SAMD12: variants seen among roughly 807,000 people sequenced by gnomAD.
The protein encoded by SAMD12 is sterile alpha motif domain-containing protein 12.
A neutral mutation model predicts 15.0 loss-of-function variants in SAMD12; 9 were observed. The observed-to-expected ratio is 0.60, with a 90% CI of 0.36 to 1.05. SAMD12 has a LOEUF of 1.05. Among genes scored for constraint, SAMD12 ranks in the 50% least tolerant of loss-of-function variants. The pLI is 0.01. For synonymous variants in SAMD12, 86 were observed against 90.1 expected (o/e 0.96, Z 0.25); for missense variants, 230 against 234.2 (o/e 0.98, Z 0.12).
At chr8:118,580,222 T>A (rs1024043019) in intron 2 of SAMD12, among the ~76,000 whole-genome samples, 1 of 152,168 alleles carries the variant, frequency 6.6e-6, no homozygotes, top group African/African-American at 2.4e-5. Flanking sequence ...TAATAAAATA[T>A]CAGCTATTAC....
downstream of SAMD12, among the ~76,000 whole-genome samples, chr8:118,374,056 C>T (rs1318059969): frequency 2.6e-5 from 4 of 151,946 alleles, no homozygotes; most frequent in Non-Finnish European, 5.9e-5. Context: ...GCGCACAGTT[C>T]AGTCATATTA....
chr8:118,545,934 G>A (rs1375463998), intron 2 of SAMD12, among the ~76,000 whole-genome samples: 4 of 152,190 alleles, frequency 2.6e-5, no homozygotes, highest in Non-Finnish European at 4.4e-5. Flanking sequence ...CAAAGCCAGA[G>A]CCCAGGTACT....
chr8:118,279,666 T>C (rs1308477025), intron 4 of SAMD12, among the ~76,000 whole-genome samples: 1 of 152,222 alleles, frequency 6.6e-6, no homozygotes, highest in Non-Finnish European at 1.5e-5. Flanking sequence ...TGTTTTGACA[T>C]TGTGGTGTGC....
At chr8:118,323,301 T>G (rs938453121) in intron 4 of SAMD12, among the ~76,000 whole-genome samples, 3 of 152,142 alleles carry the variant, frequency 2.0e-5, no homozygotes, top group Non-Finnish European at 4.4e-5. Context: ...GAGAGATAGA[T>G]CTAATGTATG....
At chr8:118,392,478 T>C (rs1820337432) in intron 3 of SAMD12, among the ~76,000 whole-genome samples, 1 of 152,110 alleles carries the variant, frequency 6.6e-6, no homozygotes, top group Non-Finnish European at 1.5e-5. Context: ...CCTGTCACTG[T>C]CTTCAGGAAG....
chr8:118,161,410 C>T, the SAMD12 span, among the ~76,000 whole-genome samples: 1 of 151,724 alleles, frequency 6.6e-6, no homozygotes, highest in African/African-American at 2.4e-5. Context: ...ATGGTGAGAC[C>T]CTGTCTCTAC....
chr8:118,241,606 C>A (rs1485575699), intron 4 of SAMD12, among the ~76,000 whole-genome samples: 5 of 152,070 alleles, frequency 3.3e-5, no homozygotes, highest in African/African-American at 1.2e-4. Flanking sequence ...GCCTAGGGGA[C>A]AAGGGATTTG....
At chr8:118,396,293 A>G (rs1820561938) in intron 3 of SAMD12, among the ~76,000 whole-genome samples, 1 of 152,170 alleles carries the variant, frequency 6.6e-6, no homozygotes, top group Admixed American at 6.5e-5. Flanking sequence ...TGTGAAAGTT[A>G]AATTAGGCAG....
intron 4 of SAMD12, among the ~76,000 whole-genome samples, chr8:118,291,528 A>G (rs958893502): frequency 6.6e-6 from 1 of 152,154 alleles, no homozygotes; most frequent in Admixed American, 6.5e-5. Context: ...TTATTCTTTC[A>G]TATCTTTACT....
At position 118,191,784 on chromosome 8, in the gene SAMD12, A is replaced by C. The variant is rs1362639384; in HGVS notation, c.*5926T>G. 279 of 50,486 alleles carry C rather than the reference A, an allele frequency of 5.5e-3. 15 individuals carry two copies. Among genetic ancestry groups the C allele is most frequent in the African/African-American group, 0.02 (264 of 13,308 alleles). 3.1% of individuals were successfully genotyped at this position (50,486 alleles called of 1,614,324 possible). A position where few individuals can be genotyped will look rare whatever the true frequency, so the allele number is the denominator to read the frequency against. On this transcript the variant is annotated 3_prime_UTR_variant, in exon 5 of 5. Transcript: ENST00000409003. The stretch of plus-strand genomic sequence containing the variant: ...TATATATATATATATATATATATAT[A>C]TATATATATATATATATATATATAT...
At chr8:118,320,120 G>A (rs1419310735) in intron 4 of SAMD12, among the ~76,000 whole-genome samples, 7 of 152,116 alleles carry the variant, frequency 4.6e-5, no homozygotes, top group Admixed American at 6.6e-5. Context: ...GAAATAAAGC[G>A]ATCAACTGTG....
rs58076997 is a variant in SAMD12, at chr8:118,302,078, G to GTTTTTTTTTTTTTTTTTTTTTT, written c.433+77460_433+77481dup. ...ATTTTCTAGCGCCAGATCTTTGAGA[G>GTTTTTTTTTTTTTTTTTTTTTT]TTTTTTTTTTTTTTTTTTTTTTTTT... On this transcript the variant is annotated intron_variant, in intron 4 of 4. Coordinates refer to the SAMD12 transcript ENST00000409003. Among the ~76,000 whole-genome samples, 62 of 74,682 alleles carry GTTTTTTTTTTTTTTTTTTTTTT rather than the reference G, an allele frequency of 8.3e-4. 7 individuals carry two copies. The highest frequency in any genetic ancestry group is 3.2e-3 in the Admixed American group (15 of 4,744). The allele number at this position is 74,682 out of a possible 152,430, so 49.0% of individuals were successfully genotyped here.
At chr8:118,152,973 C>T in the SAMD12 span, among the ~76,000 whole-genome samples, 2 of 152,142 alleles carry the variant, frequency 1.3e-5, no homozygotes, top group African/African-American at 2.4e-5. Context: ...TGAATAGATC[C>T]ATTTAATTCA....
At chr8:118,383,095 T>C (rs1819758750) in intron 3 of SAMD12, among the ~76,000 whole-genome samples, 1 of 152,216 alleles carries the variant, frequency 6.6e-6, no homozygotes, top group South Asian at 2.1e-4. Context: ...AAGGAAGTGA[T>C]AAGCAATCAT....
At chr8:118,536,192 C>A (rs1825835841) in intron 2 of SAMD12, among the ~76,000 whole-genome samples, 1 of 152,032 alleles carries the variant, frequency 6.6e-6, no homozygotes, top group African/African-American at 2.4e-5. Flanking sequence ...ATATAGGATA[C>A]CAAATATGTC....
chr8:118,442,188 G>A (rs73708496), intron 2 of SAMD12, among the ~76,000 whole-genome samples: 2,628 of 152,326 alleles, frequency 0.017, 65 homozygotes, highest in African/African-American at 0.047. Flanking sequence ...AATACATGGT[G>A]AAGATGGGAG....
the SAMD12 span, among the ~76,000 whole-genome samples, chr8:118,180,037 C>CTAAA: frequency 6.6e-6 from 1 of 152,218 alleles, no homozygotes. Flanking sequence ...TGCCGGCAGC[C>CTAAA]TAAAGCTGGT....
At chr8:118,159,709 C>A in the SAMD12 span, among the ~76,000 whole-genome samples, 2 of 9,806 alleles carry the variant, frequency 2.0e-4, no homozygotes, top group Non-Finnish European at 4.2e-4. Context: ...CAAATTTTTT[C>A]TTTTTTTTTC....
intron 4 of SAMD12, among the ~76,000 whole-genome samples, chr8:118,334,983 C>T (rs1816988548): frequency 6.6e-6 from 1 of 152,158 alleles, no homozygotes; most frequent in African/African-American, 2.4e-5. Context: ...GTCCCACTTC[C>T]CAAACACGTG....
Sources: gnomAD v4.1 joint callset for allele counts (sites outside exome capture counted in the v4.1 genomes callset) on GRCh38, gnomAD v4.1.1 for gene constraint, MANE v1.5 for transcripts, NCBI Gene and HGNC (gene_info 2026-07-23, HGNC 2026-07-21) for gene names.